Variants in HNRNPL observed in about 807,000 individuals in gnomAD.
The protein encoded by HNRNPL is epididymis secretory sperm binding protein.
HNRNPL carries 12 observed loss-of-function variants against 64.0 expected under a neutral mutation model. The ratio of observed to expected loss-of-function variants is 0.19; its 90% CI spans 0.12 to 0.30. HNRNPL has a LOEUF of 0.30. Ranked by LOEUF, HNRNPL falls within the 10% of genes least tolerant of loss-of-function variation. HNRNPL has a pLI of 1.00. For missense variants in HNRNPL, 484 were observed against 797.4 expected (o/e 0.61, Z 4.73); for synonymous variants, 385 against 313.0 (o/e 1.23, Z -2.43).
chr19:38,837,172 G>A, intron 12 of HNRNPL: 1 of 591,196 alleles, frequency 1.7e-6, no homozygotes, highest in Non-Finnish European at 3.0e-6. Flanking sequence ...CAACTCCCAA[G>A]CTGGCAGAGT....
upstream of HNRNPL, among the ~76,000 whole-genome samples, chr19:38,852,029 G>C (rs1441595369): frequency 6.6e-6 from 1 of 151,592 alleles, no homozygotes; most frequent in African/African-American, 2.4e-5. Flanking sequence ...GTGGGGGGAG[G>C]GGGAGAGAGA....
At chr19:38,848,939 A>G (rs1032189386) in intron 1 of HNRNPL, among the ~76,000 whole-genome samples, 1 of 152,202 alleles carries the variant, frequency 6.6e-6, no homozygotes, top group Non-Finnish European at 1.5e-5. Context: ...GATTTTGGAA[A>G]GAGTGGGGAC....
chr19:38,848,380 C>A (rs1427386834), intron 1 of HNRNPL, among the ~76,000 whole-genome samples: 1 of 152,180 alleles, frequency 6.6e-6, no homozygotes, highest in East Asian at 1.9e-4. Context: ...GGCATGAGCC[C>A]CCACTCCCGG....
chr19:38,849,369 G>A (rs1053509807), intron 1 of HNRNPL: 9 of 272,404 alleles, frequency 3.3e-5, no homozygotes, highest in East Asian at 1.2e-4. Context: ...CATGGAGCCA[G>A]CGAAGAAAAT....
intron 1 of HNRNPL, chr19:38,847,732 C>T (rs563488951): frequency 2.5e-5 from 5 of 204,044 alleles, no homozygotes; most frequent in Non-Finnish European, 4.9e-5. Context: ...CCAGGGACCC[C>T]CCTCTCTTCC....
At position 38,846,006 on chromosome 19, in the gene HNRNPL, T is replaced by C. The variant is rs1408008486; in HGVS notation, c.471A>G (p.Ala157=). ...VLGACNAVNY[A]ADNQIYIAGH... is the part of the protein sequence containing the mutation. ...CAGCAATGTATATTTGGTTGTCGGCTGCGTAGTTCACTGCGTTGCAAGCCC... is the reference window on the plus strand; with the variant it reads ...CAGCAATGTATATTTGGTTGTCGGCCGCGTAGTTCACTGCGTTGCAAGCCC... The change falls in exon 3 of 13, where the codon GCA becomes GCG. Residue 157 remains alanine, a synonymous_variant. Coordinates refer to ENST00000221419, the MANE Select transcript of HNRNPL (RefSeq NM_001533.3). 1 of 1,614,228 alleles carries C rather than the reference T, an allele frequency of 6.2e-7. No individual in the cohort carries two copies. The highest frequency in any genetic ancestry group is 1.7e-5 in the Admixed American group (1 of 60,028).
intron 1 of HNRNPL, 147 bp downstream of exon 1, chr19:38,849,553 C>T (rs1972429529): frequency 3.5e-6 from 4 of 1,135,300 alleles, no homozygotes; most frequent in Non-Finnish European, 4.5e-6. Flanking sequence ...CCGCCGTTTG[C>T]CCAACGGCCG....
At chr19:38,849,578 C>T (rs1972430611) in intron 1 of HNRNPL, 122 bp downstream of exon 1, 6 of 1,235,122 alleles carry the variant, frequency 4.9e-6, no homozygotes, top group East Asian at 3.1e-5. Context: ...TCCCCCACAC[C>T]GTCAACGACG....
Position 38,849,945 on chromosome 19 carries a change from G to C in HNRNPL, c.22C>G (p.Arg8Gly), listed in dbSNP as rs1972455163. ...AGCCGCCGACGCCGCTTCTCCGCCCGGGGCAGCAGCCTCCGCGACATGGCG... is the reference window on the plus strand; with the variant it reads ...AGCCGCCGACGCCGCTTCTCCGCCCCGGGCAGCAGCCTCCGCGACATGGCG... MSRRLLP[R>G]AEKRRRRLEQ... The change falls in exon 1 of 13, where the codon CGG becomes GGG. Residue 8 changes from arginine to glycine, a missense_variant. Coordinates refer to ENST00000221419, the MANE Select transcript of HNRNPL (RefSeq NM_001533.3). 2.2e-6 allele frequency: 3 copies of C among 1,354,678 alleles called. No homozygotes were observed. The highest frequency in any genetic ancestry group is 2.9e-6 in the Non-Finnish European group (3 of 1,040,284). The allele number at this position is 1,354,678 out of a possible 1,614,324, so 83.9% of individuals were successfully genotyped here.
intron 1 of HNRNPL, chr19:38,849,331 G>A (rs918160355): frequency 3.0e-5 from 6 of 196,994 alleles, no homozygotes; most frequent in Admixed American, 6.1e-5. Context: ...AACCGCCCAC[G>A]AGGCCGGGCG....
intron 6 of HNRNPL, among the ~76,000 whole-genome samples, chr19:38,842,594 G>A (rs909618710): frequency 6.6e-6 from 1 of 152,098 alleles, no homozygotes; most frequent in Non-Finnish European, 1.5e-5. Context: ...CGTGGTGGAG[G>A]CTGCATGTTC....
rs751667827 is a variant in HNRNPL at position 38,840,327 on chromosome 19, C to G, written c.1002G>C (p.Gly334=). ...YHSHYHDEGY[G]PPPPHYEGRR... ...TCCCTTCGTAGTGAGGTGGGGGGGG[C>G]CCGTAGCCCTCATCATGGTAATGGC... Residue 334 remains glycine (G), a synonymous_variant, in exon 8 of 13, where the codon GGG becomes GGC. Transcript: ENST00000221419. 3.4e-5 allele frequency: 52 copies of G among 1,538,464 alleles called. No individual in the cohort carries two copies. Among genetic ancestry groups the G allele is most frequent in the East Asian group, 2.9e-4 (13 of 44,186 alleles).
At chr19:38,843,254 TGACA>T (rs1972173932) in intron 6 of HNRNPL, 1 of 153,700 alleles carries the variant, frequency 6.5e-6, no homozygotes, top group Non-Finnish European at 1.4e-5. Context: ...AAACCATTCT[TGACA>T]GACACTAGGA....
rs1205392438 is a variant in HNRNPL at position 38,838,436 on chromosome 19, G to A, written c.1518C>T (p.Phe506=). Residue 506 remains phenylalanine (F), a synonymous_variant, in exon 10 of 13, where the codon TTC becomes TTT. Transcript: ENST00000221419. The stretch of plus-strand genomic sequence containing the variant: ...CCTCGGTCACCTCCAGCGGGGCGTT[G>A]AAGAAGTGCAGCACGTTGCTGGGGT... ...IQHPSNVLHF[F]NAPLEVTEEN... is the part of the protein sequence containing the mutation. 6.2e-7 allele frequency: 1 copy of A among 1,613,420 alleles called. No homozygotes were observed. The highest frequency in any genetic ancestry group is 1.3e-5 in the African/African-American group (1 of 75,044).
intron 8 of HNRNPL, 138 bp from the exon 9 acceptor site, chr19:38,839,153 G>C: frequency 4.6e-6 from 5 of 1,085,536 alleles, no homozygotes; most frequent in Non-Finnish European, 6.7e-6. Context: ...AGAAAAACAT[G>C]CCTGGCCCAC....
Position 38,845,863 on chromosome 19 carries a change from G to A in HNRNPL, c.614C>T (p.Ser205Leu), listed in dbSNP as rs1486370359. ...CCTGCTGGCACGTACCGTGGTGATC[G>A]AATAAATGGGGTTCAGGATGGTAAA... is the stretch of plus-strand genomic sequence containing the variant. ...LLFTILNPIY[S>L]ITTDVLYTIC... The change falls in exon 3 of 13, where the codon TCG (serine) becomes TTG (leucine). Residue 205 changes from serine (S) to leucine (L), a missense_variant. This residue lies in a region of HNRNPL where 60 missense variants were observed against 192.2 expected (regional missense o/e 0.31). Transcript: ENST00000221419. 3 of 1,613,540 alleles carry A rather than the reference G, an allele frequency of 1.9e-6. No individual in the cohort carries two copies. The highest frequency in any genetic ancestry group is 2.5e-6 in the Non-Finnish European group (3 of 1,179,442).
intron 1 of HNRNPL, chr19:38,849,419 C>T: frequency 2.7e-6 from 1 of 376,320 alleles, no homozygotes; most frequent in Non-Finnish European, 4.7e-6. Context: ...CGTGCCCGGC[C>T]CCCACACGCC....
intron 4 of HNRNPL, 27 bp downstream of exon 4, chr19:38,845,623 G>A (rs1453360637): frequency 2.5e-6 from 4 of 1,576,106 alleles, no homozygotes; most frequent in Non-Finnish European, 3.5e-6. Flanking sequence ...CTACCCTAAG[G>A]AACACCTGTT....
rs760056354 is a variant in HNRNPL, at chr19:38,849,906, G to C, written c.61C>G (p.Gln21Glu). 1.3e-5 allele frequency: 17 copies of C among 1,276,994 alleles called. No homozygotes were observed. Among genetic ancestry groups the C allele is most frequent in the Non-Finnish European group, 1.9e-5 (17 of 916,534 alleles). The allele number at this position is 1,276,994 out of a possible 1,614,324, so 79.1% of individuals were successfully genotyped here. Reference sequence around the variant, plus strand: ...GACCGCCTCCGCTGCTCGTCCGGCTGCTGCCTCTGCTCCAGCCGCCGACGC... The same window carrying C: ...GACCGCCTCCGCTGCTCGTCCGGCTCCTGCCTCTGCTCCAGCCGCCGACGC... ...KRRRRLEQRQ[Q>E]PDEQRRRSGA... is the part of the protein sequence containing the mutation. The change falls in exon 1 of 13, where the codon CAG becomes GAG. Residue 21 changes from glutamine to glutamate, a missense_variant. Physicochemically the swap from Gln to Glu is conservative, Grantham distance 29 (BLOSUM62 2). Around this residue, in one of 9 missense-constraint regions of HNRNPL, gnomAD observed 190 missense variants for 160.1 expected, o/e 1.19. Coordinates refer to ENST00000221419, the MANE Select transcript of HNRNPL (RefSeq NM_001533.3).
Sources: gnomAD v4.1 joint callset for allele counts (sites outside exome capture counted in the v4.1 genomes callset) on GRCh38, gnomAD v4.1.1 for gene constraint, gnomAD v4.1.1 regional missense constraint, MANE v1.5 for transcripts, NCBI Gene and HGNC (gene_info 2026-07-23, HGNC 2026-07-21) for gene names.